GRTP1: variants seen among roughly 807,000 people sequenced by gnomAD.
GRTP1 encodes the protein growth hormone regulated TBC protein 1, also known as growth hormone-regulated TBC protein 1.
In GRTP1, 56 loss-of-function variants were observed where a neutral mutation model predicts 38.1. The observed-to-expected ratio is 1.47, with a 90% confidence interval of 1.19 to 1.84. The LOEUF (loss-of-function observed/expected upper bound fraction) is 1.84, where lower values mean the gene tolerates loss of function less well. GRTP1 is among the 40% of genes most tolerant of loss of function. GRTP1 has a pLI of 0.00. For synonymous variants in GRTP1, 217 were observed against 189.5 expected (o/e 1.14, Z -1.19); for missense variants, 506 against 453.9 (o/e 1.11, Z -1.04).
At chr13:113,346,075 T>A (rs61966586) in intron 4 of GRTP1, among the ~76,000 whole-genome samples, 718 of 5,280 alleles carry the variant, frequency 0.14, 194 homozygotes, top group Non-Finnish European at 0.17. Context: ...CCTCTGCGGC[T>A]GAGCAGACCT....
At chr13:113,346,085 TGGGAA>T in intron 4 of GRTP1, among the ~76,000 whole-genome samples, 2 of 8,686 alleles carry the variant, frequency 2.3e-4, no homozygotes, top group East Asian at 4.9e-3. Context: ...TGAGCAGACC[TGGGAA>T]GACATCTGTG....
Position 113,355,306 on chromosome 13 carries a change from G to A in GRTP1, c.340+17C>T, listed in dbSNP as rs368593437. ...GCCCCCGGGCCCTGCACCAGAGCTC[G>A]ACCCCCACCGCCTCACCTGTCCTGA... On this transcript the variant is annotated intron_variant, in intron 3 of 7. Transcript: ENST00000375431. The A allele has an allele frequency of 2.5e-6, 4 of 1,611,902 alleles. No homozygotes were observed. The East Asian group carries it at 6.7e-5, about 27-fold the overall frequency.
At chr13:113,352,981 C>T (rs1475326146) in intron 3 of GRTP1, among the ~76,000 whole-genome samples, 2 of 151,386 alleles carry the variant, frequency 1.3e-5, no homozygotes, top group East Asian at 1.9e-4. Flanking sequence ...CAGCAGAGTC[C>T]ACTCTAGGTA....
At chr13:113,345,069 T>G in intron 4 of GRTP1, 110 bp from the exon 5 acceptor site, 1 of 1,214,502 alleles carries the variant, frequency 8.2e-7, no homozygotes, top group East Asian at 2.7e-5. Flanking sequence ...TGCTTCTCCT[T>G]AAAACCTGCA....
chr13:113,333,229 C>T (rs568610944), intron 5 of GRTP1, among the ~76,000 whole-genome samples: 30 of 152,296 alleles, frequency 2.0e-4, no homozygotes, highest in Non-Finnish European at 1.0e-4. Flanking sequence ...CAGATTCCCA[C>T]GCACAGACCG....
chr13:113,331,572 A>G lies in GRTP1; in HGVS notation c.563-5481T>C, dbSNP rs2042871417. 2.0e-5 allele frequency among the ~76,000 whole-genome samples: 3 copies of G among 151,364 alleles called. No individual in the cohort carries two copies. In the South Asian group the frequency reaches 6.2e-4, roughly 32 times the overall value. ...AAGACTTCGGCGTGGCACAGCCCTT[A>G]CAGGGCGTGAGCCTTCTCAGACGCA... is the stretch of plus-strand genomic sequence containing the variant. On this transcript the variant is annotated intron_variant, in intron 5 of 7. Transcript: ENST00000375431.
At chr13:113,329,968 G>A (rs1390477492) in intron 5 of GRTP1, among the ~76,000 whole-genome samples, 1 of 152,248 alleles carries the variant, frequency 6.6e-6, no homozygotes, top group Admixed American at 6.5e-5. Flanking sequence ...AGTGTGCATG[G>A]AAAACCAGGT....
intron 5 of GRTP1, among the ~76,000 whole-genome samples, chr13:113,334,981 C>A (rs1178049969): frequency 6.6e-6 from 1 of 151,888 alleles, no homozygotes; most frequent in Non-Finnish European, 1.5e-5. Flanking sequence ...CGCCACCACG[C>A]CCGGCTAATT....
Position 113,326,001 on chromosome 13 carries a change from A to C in GRTP1, c.653T>G (p.Leu218Arg). The change falls in exon 6 of 8, where the codon CTG becomes CGG. Residue 218 changes from leucine (L) to arginine (R), a missense_variant. Transcript: ENST00000375431. ...CCACAGCACACCGAGACGCTCCATC[A>C]GGGCCCCCACAGCCGGCAGCTTCGC... ...VRAKLPAVGA[L>R]MERLGVLWTL... The C allele has an allele frequency of 6.2e-7, 1 of 1,613,654 alleles. No individual in the cohort carries two copies. Among genetic ancestry groups the C allele is most frequent in the Non-Finnish European group, 8.5e-7 (1 of 1,179,890 alleles).
At chr13:113,359,066 A>T (rs2139536449) in intron 2 of GRTP1, among the ~76,000 whole-genome samples, 1 of 152,352 alleles carries the variant, frequency 6.6e-6, no homozygotes, top group Non-Finnish European at 1.5e-5. Context: ...AGCAATAAAA[A>T]GGAAGGAACT....
Position 113,348,720 on chromosome 13 carries a change from G to A in GRTP1, c.465+2129C>T, listed in dbSNP as rs118007472. On this transcript the variant is annotated intron_variant, in intron 4 of 7. Transcript: ENST00000375431. This position sits in a 1 kb window ranked among gnomAD's most constrained non-coding sequence, Gnocchi z 4.8. The stretch of plus-strand genomic sequence containing the variant: ...GATTGGAGTAGTGATGCCACCCGCC[G>A]AGGGGCACCCAGGACTGCCAGGAAC... Among the ~76,000 whole-genome samples the A allele has an allele frequency of 0.016, 2,400 of 152,252 alleles. 19 individuals carry two copies. Among genetic ancestry groups the A allele is most frequent in the Non-Finnish European group, 0.026 (1,753 of 68,012 alleles).
chr13:113,346,211 G>T lies in GRTP1; in HGVS notation c.466-1252C>A, dbSNP rs1359451081. On this transcript the variant is annotated intron_variant, in intron 4 of 7. Transcript: ENST00000375431. ...CTGTGGCTGAGAGCAGACCCGGGAG[G>T]ACCTCTGTGGCTGAGAACAGACCCG... Among the ~76,000 whole-genome samples, 84 of 124,962 alleles carry T rather than the reference G, an allele frequency of 6.7e-4. 6 individuals carry two copies. The highest frequency in any genetic ancestry group is 2.6e-3 in the African/African-American group (78 of 30,230). 82.0% of individuals were successfully genotyped at this position (124,962 alleles called of 152,430 possible).
At chr13:113,344,799 G>A (rs879176954) in intron 5 of GRTP1, 64 bp downstream of exon 5, 211 of 1,455,192 alleles carry the variant, frequency 1.4e-4, no homozygotes, top group South Asian at 8.7e-4. Context: ...ATTTCTCAGC[G>A]GAATCATTTT....
At chr13:113,338,201 C>T (rs1237245211) in intron 5 of GRTP1, among the ~76,000 whole-genome samples, 3 of 152,146 alleles carry the variant, frequency 2.0e-5, no homozygotes, top group African/African-American at 4.8e-5. Flanking sequence ...CTTCTTCCTG[C>T]GTCCTTTCCA....
At chr13:113,347,297 C>T (rs1295029925) in intron 4 of GRTP1, among the ~76,000 whole-genome samples, 7 of 28,598 alleles carry the variant, frequency 2.4e-4, no homozygotes, top group Non-Finnish European at 2.9e-4. Context: ...TGTGGCTGAG[C>T]GGATCTGGGA....
At chr13:113,353,283 G>A (rs1030722314) in intron 3 of GRTP1, among the ~76,000 whole-genome samples, 1 of 152,260 alleles carries the variant, frequency 6.6e-6, no homozygotes, top group Non-Finnish European at 1.5e-5. Context: ...ACAGCTGAAA[G>A]CAGGGACCCA....
At chr13:113,330,890 C>G (rs71446955) in intron 5 of GRTP1, among the ~76,000 whole-genome samples, 1 of 748 alleles carries the variant, frequency 1.3e-3, no homozygotes, top group African/African-American at 6.4e-3. Flanking sequence ...TGCATGGAAA[C>G]CCGGGTGTGT....
At chr13:113,346,265 CGGGAGGACCTCTGTGGCTGAGCGGATCT>C (rs1316856632) in intron 4 of GRTP1, among the ~76,000 whole-genome samples, 15 of 76,708 alleles carry the variant, frequency 2.0e-4, no homozygotes, top group South Asian at 5.2e-4. Flanking sequence ...AGAGCAGATC[CGGGAGGACCTCTGTGGCTGAGCGGATCT>C]GGGAGGACCT....
At chr13:113,355,592 A>G (rs1343028195) in intron 2 of GRTP1, 111 bp from the exon 3 acceptor site, 1 of 1,275,122 alleles carries the variant, frequency 7.8e-7, no homozygotes, top group Non-Finnish European at 1.0e-6. Context: ...ATCAAATATT[A>G]AAGAGACCCA....
Sources: allele counts gnomAD v4.1 joint callset (sites outside exome capture counted in the v4.1 genomes callset), GRCh38; gene constraint gnomAD v4.1.1; non-coding constraint Gnocchi (gnomAD v3.1); transcripts MANE v1.5; gene names NCBI Gene and HGNC (gene_info 2026-07-23, HGNC 2026-07-21).